RBM47: variants seen among roughly 807,000 people sequenced by gnomAD.
RBM47 encodes the protein RNA-binding protein 47.
Under a neutral mutation model 47.1 loss-of-function variants are expected in RBM47, and 21 were observed. The observed-to-expected ratio is 0.45, with a 90% CI of 0.32 to 0.64. The LOEUF is 0.64. RBM47 is among the 30% of genes least tolerant of loss of function. RBM47 has a pLI of 0.05. For synonymous variants in RBM47, 375 were observed against 361.7 expected (o/e 1.04, Z -0.42); for missense variants, 708 against 870.9 (o/e 0.81, Z 2.35).
rs763797532 is a variant in RBM47 at position 40,438,188 on chromosome 4, C to T, written c.706G>A (p.Asp236Asn). ...GTCTCCATCACGTCCTCGTCCACGT[C>T]GATCTCAGGTTCGGCCCAGTCCACG... ...IAVDWAEPEIDVDEDVMETVK... is the reference protein window; with the variant it reads ...IAVDWAEPEINVDEDVMETVK... Residue 236 changes from aspartate to asparagine, a missense_variant, in exon 4 of 7, where the codon GAC (aspartate) becomes AAC (asparagine). By Grantham distance (23) the Asp-to-Asn change is conservative (BLOSUM62 1). Transcript: ENST00000295971. 1.7e-5 allele frequency: 28 copies of T among 1,609,154 alleles called. No homozygotes were observed. Among genetic ancestry groups the T allele is most frequent in the Non-Finnish European group, 2.3e-5 (27 of 1,180,000 alleles).
chr4:40,454,256 A>C (rs1306165364), intron 3 of RBM47, among the ~76,000 whole-genome samples: 1 of 152,204 alleles, frequency 6.6e-6, no homozygotes, highest in African/African-American at 2.4e-5. Flanking sequence ...CCTGGGTTTG[A>C]GCCCTAGCTC....
intron 2 of RBM47, among the ~76,000 whole-genome samples, chr4:40,470,497 A>G (rs562773611): frequency 6.6e-6 from 1 of 152,066 alleles, no homozygotes; most frequent in East Asian, 1.9e-4. Context: ...CCCCTCTTCT[A>G]TTTGTGTCTT....
At chr4:40,509,737 T>TA (rs199852096) in intron 2 of RBM47, among the ~76,000 whole-genome samples, 5,334 of 138,172 alleles carry the variant, frequency 0.039, 114 homozygotes, top group Non-Finnish European at 0.056. Context: ...AAAAAAAAAA[T>TA]TCTCCAGGCG....
rs556383428 is a variant in RBM47 at position 40,477,277 on chromosome 4, C to T, written c.-154-10578G>A. Among the ~76,000 whole-genome samples, 3 of 152,268 alleles carry T rather than the reference C, an allele frequency of 2.0e-5. No individual in the cohort carries two copies. In the East Asian group the frequency reaches 5.8e-4, roughly 29 times the overall value. On this transcript the variant is annotated intron_variant, in intron 2 of 6. Transcript: ENST00000295971. ...ATTTTTTAAAAAGACAGTTTTATTA[C>T]TCCTAGATAGAATAATAGCTATCGA... is the stretch of plus-strand genomic sequence containing the variant.
intron 6 of RBM47, among the ~76,000 whole-genome samples, chr4:40,430,218 A>AAAC (rs1420738696): frequency 4.3e-5 from 6 of 141,174 alleles, no homozygotes; most frequent in African/African-American, 1.7e-4. Context: ...ACAAACAAAC[A>AAAC]AACAAACAAA....
At position 40,438,758 on chromosome 4, in the gene RBM47, T is replaced by C. The variant is rs751486157; in HGVS notation, c.136A>G (p.Met46Val). 3.1e-6 allele frequency: 5 copies of C among 1,588,360 alleles called. No individual in the cohort carries two copies. Among genetic ancestry groups the C allele is most frequent in the Admixed American group, 3.5e-5 (2 of 56,896 alleles). ...TTGCGCTGCCCGTTCTCTTGCACCA[T>C]GCTGTAGCCCGTGCGCTCCATCAGC... is the stretch of plus-strand genomic sequence containing the variant. The part of the protein sequence containing the change: ...LALMERTGYS[M>V]VQENGQRKYG... The change falls in exon 4 of 7, where the codon ATG (methionine) becomes GTG (valine). Residue 46 changes from methionine to valine, a missense_variant. Physicochemically the swap from Met to Val is conservative, Grantham distance 21 (BLOSUM62 1). Transcript: ENST00000295971.
At chr4:40,454,657 G>C (rs750569663) in intron 3 of RBM47, among the ~76,000 whole-genome samples, 1 of 152,008 alleles carries the variant, frequency 6.6e-6, no homozygotes, top group African/African-American at 2.4e-5. Flanking sequence ...CGCCATGCCC[G>C]GGTAATTTTT....
intron 2 of RBM47, among the ~76,000 whole-genome samples, chr4:40,523,596 A>G (rs1292440201): frequency 6.6e-6 from 1 of 152,050 alleles, no homozygotes; most frequent in African/African-American, 2.4e-5. Context: ...GGTTGCAGTG[A>G]GCTGAGATCA....
intron 1 of RBM47, among the ~76,000 whole-genome samples, chr4:40,552,399 A>AAAAT (rs139016282): frequency 3.1e-4 from 47 of 151,154 alleles, no homozygotes; most frequent in South Asian, 2.5e-3. Flanking sequence ...CTCTGTCTCA[A>AAAAT]AAATAAATAA....
intron 1 of RBM47, among the ~76,000 whole-genome samples, chr4:40,592,979 A>ATT (rs869035345): frequency 4.9e-4 from 7 of 14,202 alleles, no homozygotes; most frequent in Non-Finnish European, 6.7e-4. Context: ...ATATATATAT[A>ATT]TTTTTTTTTT....
chr4:40,602,186 A>G (rs546022832), intron 1 of RBM47, among the ~76,000 whole-genome samples: 1 of 152,130 alleles, frequency 6.6e-6, no homozygotes, highest in South Asian at 2.1e-4. Flanking sequence ...GAAAAAGAAA[A>G]AGAAAAAAAA....
chr4:40,470,926 AGAGGCAGGGTTTCAGC>A (rs1442683608), intron 2 of RBM47, among the ~76,000 whole-genome samples: 7 of 152,138 alleles, frequency 4.6e-5, no homozygotes, highest in Non-Finnish European at 7.4e-5. Context: ...TATTTTTAGT[AGAGGCAGGGTTTCAGC>A]ATGTTGGCCA....
chr4:40,610,437 C>T (rs1178454800), intron 1 of RBM47, among the ~76,000 whole-genome samples: 2 of 151,378 alleles, frequency 1.3e-5, no homozygotes, highest in Non-Finnish European at 2.9e-5. Flanking sequence ...GGTGAAACTC[C>T]GTCTCTACTA....
intron 2 of RBM47, among the ~76,000 whole-genome samples, chr4:40,484,246 T>C (rs1720796480): frequency 6.6e-6 from 1 of 152,194 alleles, no homozygotes; most frequent in Non-Finnish European, 1.5e-5. Flanking sequence ...AAAATACATA[T>C]GTAACACATG....
chr4:40,611,479 A>G (rs896483824), intron 1 of RBM47, among the ~76,000 whole-genome samples: 2 of 152,018 alleles, frequency 1.3e-5, no homozygotes, highest in African/African-American at 4.8e-5. Flanking sequence ...TGTAATCCCA[A>G]CACTTTGGAA....
chr4:40,541,918 A>G (rs943243078), intron 2 of RBM47, among the ~76,000 whole-genome samples: 3 of 152,216 alleles, frequency 2.0e-5, no homozygotes, highest in African/African-American at 4.8e-5. Context: ...AATCGTACAC[A>G]TACATTGACT....
At chr4:40,544,888 T>C (rs999281868) in intron 1 of RBM47, among the ~76,000 whole-genome samples, 1 of 151,972 alleles carries the variant, frequency 6.6e-6, no homozygotes, top group Admixed American at 6.6e-5. Flanking sequence ...CTGGGCAATA[T>C]AGTGAGAGCC....
rs1485567989 is a variant in RBM47 at position 40,438,805 on chromosome 4, G to C, written c.89C>G (p.Pro30Arg). The C allele has an allele frequency of 6.5e-7, 1 of 1,546,698 alleles. No individual in the cohort carries two copies. Among genetic ancestry groups the C allele is most frequent in the African/African-American group, 1.4e-5 (1 of 73,822 alleles). ...AKVPEGVAGA[P>R]NEAALLALME... ...CAGCGCCAGCAGTGCTGCCTCGTTG[G>C]GCGCGCCCGCCACGCCCTCGGGCAC... The change falls in exon 4 of 7, where the codon CCC (proline) becomes CGC (arginine). Residue 30 changes from proline to arginine, a missense_variant. Pro to Arg is a moderately radical substitution (Grantham distance 103). Coordinates refer to ENST00000295971, the MANE Select transcript of RBM47 (RefSeq NM_001098634.2).
chr4:40,452,527 G>GAGTA (rs1715597966), intron 3 of RBM47, among the ~76,000 whole-genome samples: 2 of 152,148 alleles, frequency 1.3e-5, no homozygotes, highest in South Asian at 4.1e-4. Context: ...CAGGAGGCCT[G>GAGTA]AGTAGTGTTT....
Sources: allele counts gnomAD v4.1 joint callset (sites outside exome capture counted in the v4.1 genomes callset), GRCh38; gene constraint gnomAD v4.1.1; transcripts MANE v1.5; gene names NCBI Gene and HGNC (gene_info 2026-07-23, HGNC 2026-07-21).